The following CSMD1 variants were observed in gnomAD, a reference collection of about 807,000 sequenced individuals.
CSMD1 encodes the protein CUB and Sushi multiple domains 1, also known as CUB and sushi domain-containing protein 1.
In CSMD1, 213 loss-of-function variants were observed where a neutral mutation model predicts 417.5. That is an observed-to-expected ratio of 0.51 (90% CI 0.46 to 0.57). The LOEUF is 0.57. Among genes scored for constraint, CSMD1 ranks in the 20% least tolerant of loss-of-function variants. CSMD1 has a pLI of 0.00. For missense variants in CSMD1, 6,923 were observed against 4,529.7 expected, an observed-to-expected ratio of 1.53 and a Z score of -15.17; for synonymous variants, 2,862 against 1,736.8, an observed-to-expected ratio of 1.65 and a Z score of -16.11.
chr8:3,852,970 C>T (rs1466354246), intron 5 of CSMD1, among the ~76,000 whole-genome samples: 2 of 152,130 alleles, frequency 1.3e-5, no homozygotes, highest in Non-Finnish European at 2.9e-5. Context: ...CGCTTTATGG[C>T]AAGGCTCCCC....
Position 3,448,675 on chromosome 8 carries a change from A to G in CSMD1, c.1561+20037T>C, listed in dbSNP as rs141786237. 2.2e-4 allele frequency among the ~76,000 whole-genome samples: 34 copies of G among 152,174 alleles called. No homozygotes were observed. In the East Asian group the frequency reaches 6.6e-3, roughly 30 times the overall value. On this transcript the variant is annotated intron_variant, in intron 12 of 69. Transcript: ENST00000635120. Reference sequence around the variant, plus strand: ...CATGAGTGGAGGCCAAGTGGGCATGACCCATGACCTTCAGGAACTGCAGCA... The same window carrying G: ...CATGAGTGGAGGCCAAGTGGGCATGGCCCATGACCTTCAGGAACTGCAGCA...
intron 1 of CSMD1, among the ~76,000 whole-genome samples, chr8:4,734,532 G>T (rs986348068): frequency 6.6e-6 from 1 of 152,134 alleles, no homozygotes; most frequent in Non-Finnish European, 1.5e-5. Flanking sequence ...TGAAGATTTA[G>T]AAACGTATTT....
intron 5 of CSMD1, among the ~76,000 whole-genome samples, chr8:3,809,942 T>C (rs973554466): frequency 2.0e-5 from 3 of 152,134 alleles, no homozygotes; most frequent in Admixed American, 2.0e-4. Context: ...ACAACCAACA[T>C]TTACTTACTC....
intron 3 of CSMD1, among the ~76,000 whole-genome samples, chr8:4,356,201 C>T (rs999336885): frequency 6.6e-6 from 1 of 152,136 alleles, no homozygotes; most frequent in Non-Finnish European, 1.5e-5. Flanking sequence ...TGGGAAGATA[C>T]AATGTTTGGT....
At chr8:3,215,778 A>T (rs932221617) in intron 29 of CSMD1, among the ~76,000 whole-genome samples, 1 of 152,166 alleles carries the variant, frequency 6.6e-6, no homozygotes, top group African/African-American at 2.4e-5. Context: ...AGAAATAGAT[A>T]AATATAATGG....
At chr8:3,060,262 C>T (rs1812506863) in intron 49 of CSMD1, among the ~76,000 whole-genome samples, 2 of 151,846 alleles carry the variant, frequency 1.3e-5, no homozygotes, top group East Asian at 1.9e-4. Context: ...TCTCCTGTCT[C>T]AGCCTCCTGA....
chr8:3,910,590 G>T lies in CSMD1; in HGVS notation c.818+87313C>A, dbSNP rs927021600. 5.9e-5 allele frequency among the ~76,000 whole-genome samples: 9 copies of T among 152,226 alleles called. No homozygotes were observed. In the South Asian group the frequency reaches 1.2e-3, roughly 21 times the overall value. ...AGTATTATGAATGCATTATTTTTGGGTTCTAACACAGCAAAAGACAGATGA... is the reference window on the plus strand; with the variant it reads ...AGTATTATGAATGCATTATTTTTGGTTTCTAACACAGCAAAAGACAGATGA... On this transcript the variant is annotated intron_variant, in intron 5 of 69. Coordinates refer to ENST00000635120, the MANE Select transcript of CSMD1 (RefSeq NM_033225.6).
At chr8:3,722,678 A>C (rs551823259) in intron 6 of CSMD1, among the ~76,000 whole-genome samples, 100 of 152,276 alleles carry the variant, frequency 6.6e-4, no homozygotes, top group African/African-American at 2.3e-3. Flanking sequence ...GAGTTCGGTA[A>C]ATTGCCCTAG....
intron 2 of CSMD1, among the ~76,000 whole-genome samples, chr8:4,610,837 T>G (rs1206897721): frequency 1.3e-5 from 2 of 152,166 alleles, no homozygotes; most frequent in African/African-American, 2.4e-5. Flanking sequence ...TATAAACAAC[T>G]GCATGTGTGG....
At chr8:3,881,264 C>CTTT (rs5888997) in intron 5 of CSMD1, among the ~76,000 whole-genome samples, 1 of 146,604 alleles carries the variant, frequency 6.8e-6, no homozygotes, top group Non-Finnish European at 1.5e-5. Context: ...TTGTTTTTTG[C>CTTT]TTTTTTTTTT....
intron 5 of CSMD1, among the ~76,000 whole-genome samples, chr8:3,784,991 G>A (rs551493015): frequency 4.6e-5 from 7 of 152,156 alleles, no homozygotes; most frequent in Non-Finnish European, 8.8e-5. Flanking sequence ...TGTCTCTCAT[G>A]TCAGATTCTC....
chr8:3,093,037 C>T (rs1263783192), intron 47 of CSMD1, among the ~76,000 whole-genome samples: 1 of 152,170 alleles, frequency 6.6e-6, no homozygotes, highest in Non-Finnish European at 1.5e-5. Context: ...GAGCAGTTCT[C>T]ATGATTTTTT....
rs1373990748 is a variant in CSMD1, at chr8:4,832,830, CT to C, written c.85+161501del. On this transcript the variant is annotated intron_variant, in intron 1 of 69. Coordinates refer to ENST00000635120, the MANE Select transcript of CSMD1 (RefSeq NM_033225.6). ...TCCTCAGGGTCAGTCATCTCATACC[CT>C]GTGATAAAAGCAGGTGCATGTGTGT... Among the ~76,000 whole-genome samples, 597 of 152,228 alleles carry C rather than the reference CT, an allele frequency of 3.9e-3. 6 individuals carry two copies. The highest frequency in any genetic ancestry group is 0.014 in the African/African-American group (575 of 41,530).
intron 10 of CSMD1, among the ~76,000 whole-genome samples, chr8:3,568,075 T>A (rs1229404418): frequency 6.6e-6 from 1 of 152,158 alleles, no homozygotes. Context: ...TTACTTAATA[T>A]GTTTAAAAAT....
At chr8:3,552,676 T>C (rs933624985) in intron 10 of CSMD1, among the ~76,000 whole-genome samples, 13 of 152,226 alleles carry the variant, frequency 8.5e-5, no homozygotes, top group Non-Finnish European at 1.9e-4. Flanking sequence ...ATCAACATTG[T>C]TCATATACTC....
At chr8:4,458,781 T>A (rs1799637293) in intron 2 of CSMD1, among the ~76,000 whole-genome samples, 1 of 151,926 alleles carries the variant, frequency 6.6e-6, no homozygotes, top group Non-Finnish European at 1.5e-5. Context: ...AAGATAACGG[T>A]TAGGAATATT....
At chr8:4,192,036 C>T (rs375876363) in intron 3 of CSMD1, among the ~76,000 whole-genome samples, 1 of 152,230 alleles carries the variant, frequency 6.6e-6, no homozygotes, top group East Asian at 1.9e-4. Context: ...AATTCTCCTG[C>T]AACAAAAGTA....
At chr8:3,355,168 G>A (rs1563304346) in intron 21 of CSMD1, among the ~76,000 whole-genome samples, 1 of 151,750 alleles carries the variant, frequency 6.6e-6, no homozygotes. Context: ...TAATCAATAA[G>A]AGGATATATA....
At chr8:4,739,267 G>A (rs1810447036) in intron 1 of CSMD1, among the ~76,000 whole-genome samples, 1 of 152,146 alleles carries the variant, frequency 6.6e-6, no homozygotes. Flanking sequence ...TAGCAATGCA[G>A]CAATTTCACT....
Sources: allele counts gnomAD v4.1 joint callset (sites outside exome capture counted in the v4.1 genomes callset), GRCh38; gene constraint gnomAD v4.1.1; transcripts MANE v1.5; gene names NCBI Gene and HGNC (gene_info 2026-07-23, HGNC 2026-07-21).